MAST4: variants seen among roughly 807,000 people sequenced by gnomAD.
MAST4 encodes microtubule-associated serine/threonine-protein kinase 4.
A neutral mutation model predicts 162.7 loss-of-function variants in MAST4; 89 were observed. The observed-to-expected ratio is 0.55, with a 90% CI of 0.46 to 0.65. The LOEUF is 0.65. MAST4 is among the 30% of genes least tolerant of loss of function. The pLI is 0.00. For missense variants in MAST4, 3,153 were observed against 3,374.0 expected (o/e 0.93, Z 1.62); for synonymous variants, 1,479 against 1,361.1 (o/e 1.09, Z -1.91).
chr5:66,701,905 A>G (rs1319623853), intron 1 of MAST4, among the ~76,000 whole-genome samples: 3 of 152,232 alleles, frequency 2.0e-5, no homozygotes, highest in Non-Finnish European at 4.4e-5. Flanking sequence ...TTGCAAGTTA[A>G]AAACTTTAGA....
intron 4 of MAST4, among the ~76,000 whole-genome samples, chr5:66,979,126 AAC>A (rs1275234303): frequency 1.3e-5 from 2 of 152,206 alleles, no homozygotes; most frequent in Non-Finnish European, 2.9e-5. Context: ...TTTTGAAGAT[AAC>A]AGTTTCACTT....
chr5:67,042,210 G>A (rs1756831324), intron 4 of MAST4, among the ~76,000 whole-genome samples: 1 of 152,020 alleles, frequency 6.6e-6, no homozygotes, highest in Non-Finnish European at 1.5e-5. Flanking sequence ...CCCTTCTTAG[G>A]CTCTGTTTGC....
chr5:67,049,057 ATACG>A (rs1757820428), intron 4 of MAST4, among the ~76,000 whole-genome samples: 1 of 106,282 alleles, frequency 9.4e-6, no homozygotes, highest in Non-Finnish European at 2.0e-5. Context: ...ATATATATAT[ATACG>A]TATATATATA....
At chr5:66,656,158 G>C (rs1370814045) in intron 1 of MAST4, among the ~76,000 whole-genome samples, 2 of 152,180 alleles carry the variant, frequency 1.3e-5, no homozygotes, top group African/African-American at 4.8e-5. Flanking sequence ...AAGGGGGCCT[G>C]GTACAGCAGA....
At chr5:66,687,494 G>A (rs974563534) in intron 1 of MAST4, among the ~76,000 whole-genome samples, 1 of 149,192 alleles carries the variant, frequency 6.7e-6, no homozygotes, top group Admixed American at 6.6e-5. Flanking sequence ...ATACATATAT[G>A]TATATGTATG....
intron 1 of MAST4, among the ~76,000 whole-genome samples, chr5:66,622,559 CAG>C (rs764395809): frequency 3.3e-5 from 5 of 151,582 alleles, no homozygotes; most frequent in Non-Finnish European, 7.4e-5. Flanking sequence ...GGAGTGAAAA[CAG>C]AGAATCAGTT....
chr5:66,983,861 T>C (rs1289988933), intron 4 of MAST4, among the ~76,000 whole-genome samples: 2 of 152,140 alleles, frequency 1.3e-5, no homozygotes, highest in Non-Finnish European at 2.9e-5. Context: ...GAGTGAAATA[T>C]TGTTCAATTC....
intron 4 of MAST4, among the ~76,000 whole-genome samples, chr5:66,955,794 C>T (rs1481028493): frequency 6.6e-6 from 1 of 152,094 alleles, no homozygotes; most frequent in African/African-American, 2.4e-5. Context: ...TATATATGCA[C>T]ACAAGTATAT....
chr5:66,646,666 C>G (rs1180821223), intron 1 of MAST4, among the ~76,000 whole-genome samples: 1 of 152,164 alleles, frequency 6.6e-6, no homozygotes, highest in Non-Finnish European at 1.5e-5. Context: ...CCCTCTACTT[C>G]CTACTTAACT....
intron 3 of MAST4, chr5:66,792,104 T>G (rs933846678): frequency 1.2e-5 from 2 of 163,954 alleles, no homozygotes; most frequent in African/African-American, 4.8e-5. Context: ...CGATTACAAC[T>G]AATAGACCTG....
intron 1 of MAST4, among the ~76,000 whole-genome samples, chr5:66,633,784 T>C (rs560156230): frequency 3.0e-4 from 45 of 152,334 alleles, no homozygotes; most frequent in African/African-American, 9.9e-4. Context: ...TTTTCGTATA[T>C]GCTAAAATTT....
intron 4 of MAST4, among the ~76,000 whole-genome samples, chr5:67,042,116 C>T (rs144559364): frequency 9.7e-4 from 147 of 152,324 alleles, no homozygotes; most frequent in African/African-American, 3.3e-3. Flanking sequence ...TGTATGTTCA[C>T]ATAAGAAGTA....
In MAST4 at chr5:66,602,237, C is replaced by T. The variant is rs567783926; in HGVS notation, c.363+5219C>T. ...GAGTAAATTTCAGGGACAGATTTACCTGGGGTGAGCATGAAGGGAGATGGT... is the reference window on the plus strand; with the variant it reads ...GAGTAAATTTCAGGGACAGATTTACTTGGGGTGAGCATGAAGGGAGATGGT... On this transcript the variant is annotated intron_variant, in intron 1 of 28. Transcript: ENST00000403625. 3.9e-5 allele frequency among the ~76,000 whole-genome samples: 6 copies of T among 152,132 alleles called. No individual in the cohort carries two copies. In the South Asian group the frequency reaches 1.0e-3, roughly 26 times the overall value.
intron 2 of MAST4, among the ~76,000 whole-genome samples, chr5:66,761,198 G>T (rs138436042): frequency 1.8e-4 from 28 of 152,224 alleles, no homozygotes; most frequent in African/African-American, 6.5e-4. Context: ...GTGCTTATTG[G>T]ACAATTATTT....
At chr5:66,755,301 A>G (rs1753465457) in intron 1 of MAST4, among the ~76,000 whole-genome samples, 1 of 152,192 alleles carries the variant, frequency 6.6e-6, no homozygotes, top group Non-Finnish European at 1.5e-5. Context: ...AGAAAACAGA[A>G]TTGCCATTTA....
At chr5:66,624,880 C>T (rs1744321604) in intron 1 of MAST4, among the ~76,000 whole-genome samples, 1 of 152,166 alleles carries the variant, frequency 6.6e-6, no homozygotes, top group South Asian at 2.1e-4. Flanking sequence ...AAGACTTTAA[C>T]ATAAGACTTG....
chr5:67,116,304 C>G (rs1471192254), intron 12 of MAST4, among the ~76,000 whole-genome samples: 1 of 151,910 alleles, frequency 6.6e-6, no homozygotes, highest in Non-Finnish European at 1.5e-5. Flanking sequence ...CTCCTCAGTT[C>G]AAGTGATTCT....
At chr5:66,722,261 C>T (rs900925279) in intron 1 of MAST4, among the ~76,000 whole-genome samples, 3 of 152,100 alleles carry the variant, frequency 2.0e-5, no homozygotes, top group Admixed American at 6.6e-5. Context: ...ATATGCTTTC[C>T]GTGTTTTTTA....
At chr5:67,076,928 G>T (rs1761724638) in intron 5 of MAST4, among the ~76,000 whole-genome samples, 2 of 152,130 alleles carry the variant, frequency 1.3e-5, no homozygotes, top group Non-Finnish European at 2.9e-5. Context: ...AACTGTGAGG[G>T]GTGGTGCCCA....
Sources: gnomAD v4.1 joint callset for allele counts (sites outside exome capture counted in the v4.1 genomes callset) on GRCh38, gnomAD v4.1.1 for gene constraint, MANE v1.5 for transcripts, NCBI Gene and HGNC (gene_info 2026-07-23, HGNC 2026-07-21) for gene names.